PAM: variants seen among roughly 807,000 people sequenced by gnomAD.
PAM encodes peptidyl-glycine alpha-amidating monooxygenase.
PAM carries 72 observed loss-of-function variants against 122.1 expected under a neutral mutation model. The observed-to-expected ratio is 0.59, with a 90% confidence interval of 0.49 to 0.72. The LOEUF is 0.72. PAM is among the 30% of genes least tolerant of loss of function. The pLI, the probability that PAM is intolerant of heterozygous loss-of-function variation, is 0.00. For synonymous variants in PAM, 389 were observed against 404.4 expected (o/e 0.96, Z 0.46); for missense variants, 1,106 against 1,183.7 (o/e 0.93, Z 0.96).
chr5:103,001,361 A>G (rs1777318492), intron 16 of PAM, among the ~76,000 whole-genome samples: 1 of 152,054 alleles, frequency 6.6e-6, no homozygotes, highest in Admixed American at 6.6e-5. Context: ...GTATTCTTAC[A>G]TTGGTTCCTA....
At position 102,950,416 on chromosome 5, in the gene PAM, G is replaced by GGGGTGTGTGTGTGT. The variant is rs372626572; in HGVS notation, c.802-300_802-299insGGTGTGTGTGTGTG. On this transcript the variant is annotated intron_variant, in intron 11 of 25. Coordinates refer to ENST00000438793, the MANE Select transcript of PAM (RefSeq NM_001177306.2). Reference sequence around the variant, plus strand: ...CAGTGATTATTTGTGTATGTGGGTGGGTGTGTGTGTGTGTGTGTGTGTGTC... The same window carrying GGGGTGTGTGTGTGT: ...CAGTGATTATTTGTGTATGTGGGTGGGGGTGTGTGTGTGTGTGTGTGTGTGTGTGTGTGTGTGTC... Among the ~76,000 whole-genome samples, 196 of 145,958 alleles carry GGGGTGTGTGTGTGT rather than the reference G, an allele frequency of 1.3e-3. 2 individuals are homozygous for GGGGTGTGTGTGTGT. The highest frequency in any genetic ancestry group is 5.3e-3 in the East Asian group (26 of 4,948).
At chr5:102,994,431 ATGATT>A in intron 16 of PAM, among the ~76,000 whole-genome samples, 1 of 152,304 alleles carries the variant, frequency 6.6e-6, no homozygotes, top group South Asian at 2.1e-4. Context: ...TTATGCTGAC[ATGATT>A]TATTTCAACT....
chr5:102,948,414 T>C lies in PAM; in HGVS notation c.612T>C (p.Ser204=), dbSNP rs761355773. Reference sequence around the variant, plus strand: ...TTGCTGGCATGTACCTTATGATGTCTGTTGACACTGTTATCCCAGCAGGAG... The same window carrying C: ...TTGCTGGCATGTACCTTATGATGTCCGTTGACACTGTTATCCCAGCAGGAG... The part of the protein sequence containing the change: ...PLIAGMYLMM[S]VDTVIPAGEK... Residue 204 remains serine, a synonymous_variant, in exon 9 of 26, where the codon TCT becomes TCC. Transcript: ENST00000438793. The C allele has an allele frequency of 7.6e-6, 12 of 1,587,892 alleles. No homozygotes were observed. The African/African-American group carries it at 1.5e-4, about 20-fold the overall frequency.
chr5:102,818,878 TGCACA>T (rs1296219462), intron 1 of PAM, among the ~76,000 whole-genome samples: 1 of 152,210 alleles, frequency 6.6e-6, no homozygotes, highest in Non-Finnish European at 1.5e-5. Flanking sequence ...TTGTTATGAA[TGCACA>T]TTTAGAGTTT....
intron 14 of PAM, among the ~76,000 whole-genome samples, chr5:102,969,657 T>C (rs1180775683): frequency 1.3e-5 from 2 of 152,176 alleles, no homozygotes; most frequent in Admixed American, 1.3e-4. Context: ...AAAAGTGTCA[T>C]CACTAAGAGA....
chr5:102,862,741 C>T (rs1483070046), intron 1 of PAM, among the ~76,000 whole-genome samples: 1 of 152,194 alleles, frequency 6.6e-6, no homozygotes, highest in African/African-American at 2.4e-5. Context: ...TTGCTGGCAA[C>T]AGCCCTACGA....
intron 1 of PAM, among the ~76,000 whole-genome samples, chr5:102,862,939 T>G (rs913517807): frequency 1.3e-5 from 2 of 152,018 alleles, no homozygotes; most frequent in Non-Finnish European, 2.9e-5. Flanking sequence ...AATGGTCAAA[T>G]TGGTTAATAT....
intron 15 of PAM, among the ~76,000 whole-genome samples, chr5:102,986,852 T>C (rs1390078508): frequency 1.3e-5 from 2 of 152,168 alleles, no homozygotes; most frequent in Non-Finnish European, 2.9e-5. Flanking sequence ...TTGGCTTGCA[T>C]TCTCTCTTGT....
In PAM at chr5:102,949,550, C is replaced by A; in HGVS notation, c.657C>A (p.Asp219Glu). ...IPAGEKVVNS[D>E]ISCHYKNYPM... ...CATTTCCCACAGTGGTGAATTCTGA[C>A]ATTTCATGCCATTATAAAAATTATC... Residue 219 changes from aspartate to glutamate, a missense_variant, in exon 10 of 26, where the codon GAC (aspartate) becomes GAA (glutamate). This residue lies in a region of PAM where 670 missense variants were observed against 690.3 expected (regional missense o/e 0.97). Transcript: ENST00000438793. 2 of 1,521,668 alleles carry A rather than the reference C, an allele frequency of 1.3e-6. No homozygotes were observed. The highest frequency in any genetic ancestry group is 1.8e-6 in the Non-Finnish European group (2 of 1,095,962). The allele number at this position is 1,521,668 out of a possible 1,614,324, so 94.3% of individuals were successfully genotyped here. A position where few individuals can be genotyped will look rare whatever the true frequency, so the allele number is the denominator to read the frequency against.
chr5:102,933,170 G>A (rs542878002), intron 7 of PAM, among the ~76,000 whole-genome samples: 81 of 152,264 alleles, frequency 5.3e-4, no homozygotes, highest in African/African-American at 1.8e-3. Flanking sequence ...TCAAGTTATC[G>A]GATTGATATC....
At chr5:102,890,023 G>T (rs1794322311) in intron 3 of PAM, among the ~76,000 whole-genome samples, 1 of 151,900 alleles carries the variant, frequency 6.6e-6, no homozygotes, top group Admixed American at 6.6e-5. Context: ...AGATCTTAAA[G>T]ATCCTTTTCT....
chr5:103,006,942 G>A lies in PAM; in HGVS notation c.1945G>A (p.Asp649Asn). The change falls in exon 19 of 26, where the codon GAT (aspartate) becomes AAT (asparagine). Residue 649 changes from aspartate to asparagine, a missense_variant. This residue lies in a region of PAM where 103 missense variants were observed against 157.9 expected (regional missense o/e 0.65). Transcript: ENST00000438793. ...AGGCACTGGAGCCATTTATGTATCA[G>A]ATGGTTACTGCAACAGCAGGATTGT... The part of the protein sequence containing the change: ...DPGTGAIYVS[D>N]GYCNSRIVQF... 4 of 1,614,092 alleles carry A rather than the reference G, an allele frequency of 2.5e-6. No individual in the cohort carries two copies. The highest frequency in any genetic ancestry group is 3.4e-6 in the Non-Finnish European group (4 of 1,179,986).
At chr5:102,822,921 T>C (rs1772436532) in intron 1 of PAM, among the ~76,000 whole-genome samples, 1 of 152,138 alleles carries the variant, frequency 6.6e-6, no homozygotes, top group Non-Finnish European at 1.5e-5. Context: ...TCCCCACTCA[T>C]CCCAGTCCAT....
chr5:102,837,863 A>G (rs1046105979), intron 1 of PAM: 1 of 152,184 alleles, frequency 6.6e-6, no homozygotes, highest in Non-Finnish European at 1.5e-5. Flanking sequence ...AAATTATAAC[A>G]TAACTCTGAG....
intron 1 of PAM, among the ~76,000 whole-genome samples, chr5:102,838,941 A>G (rs982842681): frequency 1.1e-4 from 17 of 152,336 alleles, no homozygotes; most frequent in African/African-American, 3.8e-4. Flanking sequence ...ATCATTTCCA[A>G]TTCCCTGAAT....
chr5:102,845,357 A>G (rs17154763), intron 1 of PAM, among the ~76,000 whole-genome samples: 8,000 of 152,272 alleles, frequency 0.053, 319 homozygotes, highest in South Asian at 0.14. Flanking sequence ...AAGTGGAGAC[A>G]ATTGACAGGC....
At chr5:102,919,531 C>G (rs988283636) in intron 5 of PAM, among the ~76,000 whole-genome samples, 1 of 151,988 alleles carries the variant, frequency 6.6e-6, no homozygotes, top group African/African-American at 2.4e-5. Flanking sequence ...TAGGAAACTT[C>G]TAAAGTTAAA....
intron 4 of PAM, among the ~76,000 whole-genome samples, chr5:102,907,319 G>A (rs1313247321): frequency 1.3e-5 from 2 of 151,686 alleles, no homozygotes; most frequent in Non-Finnish European, 1.5e-5. Context: ...TTTTATGGCT[G>A]CATAGTATTC....
intron 1 of PAM, among the ~76,000 whole-genome samples, chr5:102,782,150 C>G (rs1409918754): frequency 6.6e-6 from 1 of 152,206 alleles, no homozygotes; most frequent in Non-Finnish European, 1.5e-5. Flanking sequence ...CACTTTAGAA[C>G]ACATTATGTT....
Sources: gnomAD v4.1 joint callset for allele counts (sites outside exome capture counted in the v4.1 genomes callset) on GRCh38, gnomAD v4.1.1 for gene constraint, gnomAD v4.1.1 regional missense constraint, MANE v1.5 for transcripts, NCBI Gene and HGNC (gene_info 2026-07-23, HGNC 2026-07-21) for gene names.